The following HDAC9 variants were observed in gnomAD, a reference collection of about 807,000 sequenced individuals.
The protein encoded by HDAC9 is histone deacetylase 9, also known as MEF-2 interacting transcription repressor (MITR) protein.
HDAC9 carries 41 observed loss-of-function variants against 139.4 expected under a neutral mutation model. The observed-to-expected ratio is 0.29, with a 90% CI of 0.23 to 0.38. The LOEUF (loss-of-function observed/expected upper bound fraction) is 0.38, where lower values mean the gene tolerates loss of function less well. Among genes scored for constraint, HDAC9 ranks in the 10% least tolerant of loss-of-function variants. The pLI, the probability that HDAC9 is intolerant of heterozygous loss-of-function variation, is 1.00. For missense variants in HDAC9, 1,147 were observed against 1,297.0 expected, an observed-to-expected ratio of 0.88 and a Z score of 1.78; for synonymous variants, 517 against 476.2, an observed-to-expected ratio of 1.09 and a Z score of -1.12.
chr7:18,884,161 T>G (rs531866824), intron 22 of HDAC9, among the ~76,000 whole-genome samples: 1 of 152,194 alleles, frequency 6.6e-6, no homozygotes, highest in African/African-American at 2.4e-5. Flanking sequence ...TCTGTCAAAT[T>G]CCCAATGACA....
intron 13 of HDAC9, among the ~76,000 whole-genome samples, chr7:18,737,797 C>T (rs1162565777): frequency 6.6e-6 from 1 of 152,146 alleles, no homozygotes; most frequent in Non-Finnish European, 1.5e-5. Flanking sequence ...GAGCTGAGTT[C>T]AAGTCCTGGA....
intron 1 of HDAC9, 117 bp downstream of exon 1, chr7:18,496,140 C>A: frequency 7.1e-7 from 1 of 1,400,416 alleles, no homozygotes. Flanking sequence ...GGAGGGAGAA[C>A]CAGCGAGGGT....
At chr7:18,415,871 T>C (rs1789006799) in intron 1 of HDAC9, among the ~76,000 whole-genome samples, 1 of 152,166 alleles carries the variant, frequency 6.6e-6, no homozygotes. Flanking sequence ...TTTTTTTAGT[T>C]ATAGGGAATT....
intron 16 of HDAC9, among the ~76,000 whole-genome samples, chr7:18,771,257 T>C (rs537112806): frequency 6.6e-6 from 1 of 152,144 alleles, no homozygotes; most frequent in Non-Finnish European, 1.5e-5. Flanking sequence ...CGACTTTTAC[T>C]CTGTTCATAT....
intron 2 of HDAC9, among the ~76,000 whole-genome samples, chr7:18,234,654 C>G (rs537378449): frequency 2.0e-5 from 3 of 152,290 alleles, no homozygotes; most frequent in Non-Finnish European, 4.4e-5. Flanking sequence ...TACTCCAGAG[C>G]CTGGCTCTTA....
chr7:18,475,756 C>G (rs1202753748), intron 1 of HDAC9, among the ~76,000 whole-genome samples: 1 of 152,190 alleles, frequency 6.6e-6, no homozygotes, highest in South Asian at 2.1e-4. Flanking sequence ...AAATTTTCTT[C>G]TGGAATGACT....
intron 2 of HDAC9, among the ~76,000 whole-genome samples, chr7:18,216,730 T>A (rs1305897463): frequency 1.3e-5 from 2 of 152,166 alleles, no homozygotes; most frequent in African/African-American, 4.8e-5. Flanking sequence ...GCTGTTGGGT[T>A]TGGAATGTAT....
At chr7:18,910,223 T>C (rs145198337) in intron 22 of HDAC9, among the ~76,000 whole-genome samples, 9 of 152,158 alleles carry the variant, frequency 5.9e-5, no homozygotes, top group Middle Eastern at 3.4e-3. Flanking sequence ...CTGTGTCTTC[T>C]TCAATTTATT....
intron 1 of HDAC9, among the ~76,000 whole-genome samples, chr7:18,388,185 G>A (rs965354632): frequency 2.0e-5 from 3 of 152,116 alleles, no homozygotes; most frequent in Non-Finnish European, 2.9e-5. Context: ...ATATTTGTAC[G>A]TGTGGCTAAG....
chr7:18,815,017 A>C (rs1430881209), intron 17 of HDAC9, among the ~76,000 whole-genome samples: 1 of 152,200 alleles, frequency 6.6e-6, no homozygotes, highest in African/African-American at 2.4e-5. Context: ...TTGTAGTAAA[A>C]TATGAGTATA....
intron 22 of HDAC9, among the ~76,000 whole-genome samples, chr7:18,932,842 AGG>A (rs1491186755): frequency 5.5e-5 from 8 of 146,358 alleles, no homozygotes; most frequent in African/African-American, 1.3e-4. Flanking sequence ...GAAGGAAGGA[AGG>A]AAAAAAAGAA....
chr7:18,995,846 G>GT (rs1295769652), intron 25 of HDAC9, among the ~76,000 whole-genome samples, 177 bp from the exon 26 acceptor site: 1 of 152,076 alleles, frequency 6.6e-6, no homozygotes, highest in Non-Finnish European at 1.5e-5. Flanking sequence ...GATCGAAAAT[G>GT]TTTTTCCCCT....
intron 1 of HDAC9, among the ~76,000 whole-genome samples, chr7:18,392,930 A>C (rs1323532401): frequency 2.7e-4 from 40 of 150,632 alleles, no homozygotes; most frequent in Admixed American, 2.6e-3. Flanking sequence ...AAAAAAAAAA[A>C]AAAAAAAAAA....
intron 21 of HDAC9, among the ~76,000 whole-genome samples, chr7:18,851,742 C>T (rs1186777029): frequency 1.3e-5 from 2 of 152,188 alleles, no homozygotes. Flanking sequence ...ATCATCCAAT[C>T]TACTTTTTAA....
chr7:18,939,380 A>G (rs1186743766), intron 23 of HDAC9, among the ~76,000 whole-genome samples: 2 of 152,204 alleles, frequency 1.3e-5, no homozygotes, highest in Non-Finnish European at 2.9e-5. Context: ...AAAGTTAAGA[A>G]AAAGAAAGAT....
At chr7:18,206,629 C>T (rs990830710) in intron 2 of HDAC9, among the ~76,000 whole-genome samples, 2 of 152,058 alleles carry the variant, frequency 1.3e-5, no homozygotes, top group African/African-American at 4.8e-5. Flanking sequence ...CTTGTGGTTG[C>T]AGGAAATTAA....
intron 12 of HDAC9, chr7:18,668,061 A>G (rs1759345119): frequency 2.0e-6 from 2 of 977,602 alleles, no homozygotes; most frequent in Non-Finnish European, 1.2e-6. Flanking sequence ...ACATTGTTCA[A>G]CTGTATGTTA....
intron 2 of HDAC9, among the ~76,000 whole-genome samples, chr7:18,564,230 CCATA>C (rs1563295374): frequency 6.6e-6 from 1 of 151,638 alleles, no homozygotes; most frequent in African/African-American, 2.4e-5. Context: ...ACAGTTGCAA[CCATA>C]CAATTGAAAA....
intron 2 of HDAC9, among the ~76,000 whole-genome samples, chr7:18,165,435 T>C (rs1185221843): frequency 2.0e-5 from 3 of 152,162 alleles, no homozygotes; most frequent in African/African-American, 7.2e-5. Context: ...TAAATGTTTC[T>C]CTTGTGAGCA....
Sources: gnomAD v4.1 joint callset for allele counts (sites outside exome capture counted in the v4.1 genomes callset) on GRCh38, gnomAD v4.1.1 for gene constraint, MANE v1.5 for transcripts, NCBI Gene and HGNC (gene_info 2026-07-23, HGNC 2026-07-21) for gene names.